The following CYP4B1 variants were observed in gnomAD, a reference collection of about 807,000 sequenced individuals.
The protein encoded by CYP4B1 is cytochrome P450 4B1.
Under a neutral mutation model 54.0 loss-of-function variants are expected in CYP4B1, and 45 were observed. That is an observed-to-expected ratio of 0.83 (90% CI 0.66 to 1.07). CYP4B1 has a LOEUF of 1.07. Among genes scored for constraint, CYP4B1 ranks in the 50% least tolerant of loss-of-function variants. CYP4B1 has a pLI of 0.00. For synonymous variants in CYP4B1, 248 were observed against 247.5 expected, an observed-to-expected ratio of 1.00 and a Z score of -0.02; for missense variants, 656 against 655.4, an observed-to-expected ratio of 1.00 and a Z score of -0.01.
intron 5 of CYP4B1, 93 bp from the exon 6 acceptor site, chr1:46,813,816 C>G: frequency 2.0e-6 from 3 of 1,510,926 alleles, no homozygotes; most frequent in South Asian, 2.4e-5. Context: ...GCAGGATGCT[C>G]TGTGGTTGGG....
chr1:46,809,787 A>C (rs1168546234), intron 1 of CYP4B1, among the ~76,000 whole-genome samples: 1 of 152,242 alleles, frequency 6.6e-6, no homozygotes, highest in East Asian at 1.9e-4. Flanking sequence ...ATTATGGTAC[A>C]TCCTTATAGT....
At chr1:46,813,447 C>T in intron 4 of CYP4B1, 35 bp from the exon 5 acceptor site, 6 of 1,613,736 alleles carry the variant, frequency 3.7e-6, no homozygotes, top group Non-Finnish European at 5.1e-6. Context: ...CCCTGCATCG[C>T]CTCCTACACA....
In CYP4B1 at chr1:46,809,128, C is replaced by A. The variant is rs1339569639; in HGVS notation, c.181-1680C>A. Among the ~76,000 whole-genome samples the A allele has an allele frequency of 5.7e-5, 7 of 121,756 alleles. No homozygotes were observed. The East Asian group carries it at 1.3e-3, about 22-fold the overall frequency. 79.9% of individuals were successfully genotyped at this position (121,756 alleles called of 152,430 possible). A position where few individuals can be genotyped will look rare whatever the true frequency, so the allele number is the denominator to read the frequency against. On this transcript the variant is annotated intron_variant, in intron 1 of 11. Coordinates refer to ENST00000371923, the MANE Select transcript of CYP4B1 (RefSeq NM_001099772.2). ...AAAACTTAAAGTATAATAAAAAAAACCCAAAAAACAAACAAAAAACAAAAA... is the reference window on the plus strand; with the variant it reads ...AAAACTTAAAGTATAATAAAAAAAAACCAAAAAACAAACAAAAAACAAAAA...
Position 46,812,556 on chromosome 1 carries a change from C to T in CYP4B1, c.428C>T (p.Pro143Leu). The T allele has an allele frequency of 1.9e-6, 3 of 1,614,132 alleles. No homozygotes were observed. Among genetic ancestry groups the T allele is most frequent in the Non-Finnish European group, 2.5e-6 (3 of 1,179,986 alleles). Residue 143 changes from proline to leucine, a missense_variant, in exon 4 of 12, where the codon CCT (proline) becomes CTT (leucine). Transcript: ENST00000371923. ...KWLQHRKLLT[P>L]GFHYDVLKPY... Reference sequence around the variant, plus strand: ...TTGCAGCACCGCAAGCTGCTCACACCTGGCTTTCATTATGATGTGCTGAAG... The same window carrying T: ...TTGCAGCACCGCAAGCTGCTCACACTTGGCTTTCATTATGATGTGCTGAAG...
In CYP4B1 at chr1:46,818,029, G is replaced by C; in HGVS notation, c.1272G>C (p.Glu424Asp). 1.2e-6 allele frequency: 2 copies of C among 1,614,156 alleles called. No homozygotes were observed. Among genetic ancestry groups the C allele is most frequent in the Non-Finnish European group, 1.7e-6 (2 of 1,179,992 alleles). ...ACAGTGCTGTATGGCCCGACCCTGAGGTACCCTTTCCCTGGGCTGGGAGAT... is the reference window on the plus strand; with the variant it reads ...ACAGTGCTGTATGGCCCGACCCTGACGTACCCTTTCCCTGGGCTGGGAGAT... ...HRNSAVWPDPEVFDSLRFSTE... is the reference protein window; with the variant it reads ...HRNSAVWPDPDVFDSLRFSTE... The change falls in exon 10 of 12, where the codon GAG (glutamate) becomes GAC (aspartate). Residue 424 changes from glutamate (E) to aspartate (D), a missense_variant and splice_region_variant. Physicochemically the swap from Glu to Asp is conservative, Grantham distance 45. Coordinates refer to ENST00000371923, the MANE Select transcript of CYP4B1 (RefSeq NM_001099772.2).
chr1:46,818,783 T>C lies in CYP4B1; in HGVS notation c.1508T>C (p.Leu503Pro), dbSNP rs1431517266. 6.2e-7 allele frequency: 1 copy of C among 1,613,976 alleles called. No homozygotes were observed. Among genetic ancestry groups the C allele is most frequent in the East Asian group, 2.2e-5 (1 of 44,878 alleles). ...LRSKNGFHLH[L>P]KPLGPGSGK ...TCCAAGAATGGCTTTCACCTCCACC[T>C]GAAGCCACTGGGCCCTGGGTCTGGG... Residue 503 changes from leucine to proline, a missense_variant, in exon 12 of 12, where the codon CTG becomes CCG. Leu to Pro is a moderately conservative substitution (Grantham distance 98). Coordinates refer to ENST00000371923, the MANE Select transcript of CYP4B1 (RefSeq NM_001099772.2).
At chr1:46,811,049 G>C in intron 2 of CYP4B1, 91 bp from the exon 3 acceptor site, 2 of 1,603,212 alleles carry the variant, frequency 1.2e-6, no homozygotes, top group Non-Finnish European at 1.7e-6. Flanking sequence ...TGTGTACTAA[G>C]TCTGCGGAGC....
chr1:46,813,632 G>A (rs1050337737), intron 5 of CYP4B1, 26 bp downstream of exon 5: 18 of 1,612,492 alleles, frequency 1.1e-5, no homozygotes, highest in East Asian at 2.2e-5. Flanking sequence ...GGGGCTGACC[G>A]CACTGTCTCC....
chr1:46,799,325 C>T (rs1417680530), intron 1 of CYP4B1, 64 bp downstream of exon 1: 2 of 1,462,934 alleles, frequency 1.4e-6, no homozygotes, highest in Non-Finnish European at 1.9e-6. Flanking sequence ...GAGAATCAGG[C>T]CTAATTCCCA....
In CYP4B1 at chr1:46,811,174, C is replaced by T. The variant is rs755476365; in HGVS notation, c.357C>T (p.Leu119=). 1 of 1,614,140 alleles carries T rather than the reference C, an allele frequency of 6.2e-7. No homozygotes were observed. Among genetic ancestry groups the T allele is most frequent in the South Asian group, 1.1e-5 (1 of 91,076 alleles). Residue 119 remains leucine (L), a synonymous_variant, in exon 3 of 12, where the codon CTC becomes CTT. Coordinates refer to ENST00000371923, the MANE Select transcript of CYP4B1 (RefSeq NM_001099772.2). The part of the protein sequence containing the change: ...PKAPDVYDFF[L]QWIGRGLLVL... ...CCCCTGATGTGTATGACTTCTTCCT[C>T]CAGTGGATTGGTGAGTGAGCACCTG... is the stretch of plus-strand genomic sequence containing the variant.
At chr1:46,817,864 TG>T in intron 9 of CYP4B1, 100 bp from the exon 10 acceptor site, 1 of 975,118 alleles carries the variant, frequency 1.0e-6, no homozygotes, top group Non-Finnish European at 1.6e-6. Context: ...AGGCAGGAGC[TG>T]GCACCCCAGT....
At position 46,812,578 on chromosome 1, in the gene CYP4B1, G is replaced by A; in HGVS notation, c.450G>A (p.Leu150=). 6.2e-7 allele frequency: 1 copy of A among 1,613,952 alleles called. No individual in the cohort carries two copies. The highest frequency in any genetic ancestry group is 8.5e-7 in the Non-Finnish European group (1 of 1,179,960). The change falls in exon 4 of 12, where the codon CTG becomes CTA. Residue 150 remains leucine (L), a synonymous_variant. Coordinates refer to ENST00000371923, the MANE Select transcript of CYP4B1 (RefSeq NM_001099772.2). ...LLTPGFHYDV[L]KPYVAVFTES... ...CACCTGGCTTTCATTATGATGTGCT[G>A]AAGCCCTATGTGGCCGTGTTCACTG...
At chr1:46,807,275 G>A (rs1678898796) in intron 1 of CYP4B1, among the ~76,000 whole-genome samples, 1 of 152,192 alleles carries the variant, frequency 6.6e-6, no homozygotes, top group African/African-American at 2.4e-5. Flanking sequence ...CCCTTGTGGG[G>A]TTGCTGCAGA....
rs781771938 is a variant in CYP4B1 at position 46,818,129 on chromosome 1, A to G, written c.1273-2A>G. On this transcript the variant is annotated splice_acceptor_variant, in intron 10 of 11. Coordinates refer to ENST00000371923, the MANE Select transcript of CYP4B1 (RefSeq NM_001099772.2). LOFTEE classifies it high-confidence loss of function. ...GTGTTTAAGCAAGGCCTGTCCCTTC[A>G]GGTCTTTGACTCTCTGCGCTTTTCC... The G allele has an allele frequency of 1.2e-6, 2 of 1,614,150 alleles. No individual in the cohort carries two copies. Among genetic ancestry groups the G allele is most frequent in the South Asian group, 2.2e-5 (2 of 91,082 alleles).
intron 9 of CYP4B1, 98 bp from the exon 10 acceptor site, chr1:46,817,867 C>T: frequency 9.9e-7 from 1 of 1,007,640 alleles, no homozygotes. Flanking sequence ...CAGGAGCTGG[C>T]ACCCCAGTTA....
At position 46,813,913 on chromosome 1, in the gene CYP4B1, G is replaced by A; in HGVS notation, c.625G>A (p.Asp209Asn). ...CTCCTCCTACCCTCTGCTTAGCAGG[G>A]ACAGCAGCTACTACCTTGCAGTCAG... ...RGDTGLGHSR[D>N]SSYYLAVSDL... is the part of the protein sequence containing the mutation. Residue 209 changes from aspartate (D) to asparagine (N), a missense_variant, in exon 6 of 12, where the codon GAC (aspartate) becomes AAC (asparagine). Asp to Asn is a conservative substitution (Grantham distance 23). Coordinates refer to ENST00000371923, the MANE Select transcript of CYP4B1 (RefSeq NM_001099772.2). 6.2e-7 allele frequency: 1 copy of A among 1,614,106 alleles called. No individual in the cohort carries two copies. The highest frequency in any genetic ancestry group is 8.5e-7 in the Non-Finnish European group (1 of 1,179,990).
At chr1:46,799,574 G>A (rs1678528298) in intron 1 of CYP4B1, among the ~76,000 whole-genome samples, 1 of 152,230 alleles carries the variant, frequency 6.6e-6, no homozygotes, top group African/African-American at 2.4e-5. Context: ...AAAGGCAATG[G>A]CAGAAATCCA....
intron 1 of CYP4B1, among the ~76,000 whole-genome samples, chr1:46,805,082 C>A (rs1438608321): frequency 6.6e-6 from 1 of 152,214 alleles, no homozygotes; most frequent in East Asian, 1.9e-4. Context: ...TGGCACAATG[C>A]CCATGTGTTG....
chr1:46,806,156 G>A (rs1678851370), intron 1 of CYP4B1, among the ~76,000 whole-genome samples: 1 of 152,214 alleles, frequency 6.6e-6, no homozygotes, highest in South Asian at 2.1e-4. Context: ...GAGCACTTGG[G>A]CAGGGATTCT....
Sources: gnomAD v4.1 joint callset for allele counts (sites outside exome capture counted in the v4.1 genomes callset) on GRCh38, gnomAD v4.1.1 for gene constraint, MANE v1.5 for transcripts, NCBI Gene and HGNC (gene_info 2026-07-23, HGNC 2026-07-21) for gene names.